FBXL20: variants seen among roughly 807,000 people sequenced by gnomAD.
FBXL20 encodes F-box and leucine rich repeat protein 20.
Under a neutral mutation model 64.0 loss-of-function variants are expected in FBXL20, and 11 were observed. The observed-to-expected ratio is 0.17, with a 90% CI of 0.11 to 0.28. FBXL20 has a LOEUF of 0.28. Ranked by LOEUF, FBXL20 falls within the 10% of genes least tolerant of loss-of-function variation. FBXL20 has a pLI of 1.00. For synonymous variants in FBXL20, 184 were observed against 189.0 expected (o/e 0.97, Z 0.22); for missense variants, 303 against 526.2 (o/e 0.58, Z 4.15).
At position 39,401,230 on chromosome 17, in the gene FBXL20, G is replaced by A. The variant is rs1346650645; in HGVS notation, c.42+131C>T. On this transcript the variant is annotated intron_variant, in intron 1 of 14. Transcript: ENST00000264658. ...TTCTGGGTCGCAAGAAAGGGGAGCG[G>A]AGTCTGGCAGCCCCGCCAGTGGGTG... 4 of 1,545,086 alleles carry A rather than the reference G, an allele frequency of 2.6e-6. No individual in the cohort carries two copies. In the East Asian group the frequency reaches 7.2e-5, roughly 28 times the overall value.
intron 1 of FBXL20, among the ~76,000 whole-genome samples, chr17:39,389,190 T>G (rs960656463): frequency 1.3e-5 from 2 of 151,338 alleles, no homozygotes; most frequent in African/African-American, 4.9e-5. Flanking sequence ...CTAAGAATAC[T>G]GAATAATAAT....
At chr17:39,265,687 A>ATT (rs989432294) in intron 12 of FBXL20, among the ~76,000 whole-genome samples, 2 of 148,356 alleles carry the variant, frequency 1.3e-5, no homozygotes, top group Non-Finnish European at 3.0e-5. Flanking sequence ...AATTAAAAAA[A>ATT]TTTTTTTTTT....
intron 2 of FBXL20, among the ~76,000 whole-genome samples, chr17:39,319,672 T>TG (rs2047333222): frequency 8.9e-5 from 1 of 11,268 alleles, no homozygotes; most frequent in Non-Finnish European, 1.7e-4. Flanking sequence ...AGACTCCATA[T>TG]CAAAAAAAAA....
At chr17:39,319,673 CAAA>C (rs71300077) in intron 2 of FBXL20, among the ~76,000 whole-genome samples, 2 of 47,306 alleles carry the variant, frequency 4.2e-5, no homozygotes, top group South Asian at 1.0e-3. Flanking sequence ...GACTCCATAT[CAAA>C]AAAAAAAAAA....
chr17:39,401,586 G>A lies in FBXL20; in HGVS notation c.-184C>T, dbSNP rs1395362453. On this transcript the variant is annotated 5_prime_UTR_variant, in exon 1 of 15. Transcript: ENST00000264658. The stretch of plus-strand genomic sequence containing the variant: ...GGCCTCCACCACCTCCCGCGGCGCC[G>A]GCGGCCGCAACGACTGCTCGTCGCT... 4 of 1,403,734 alleles carry A rather than the reference G, an allele frequency of 2.8e-6. No individual in the cohort carries two copies. Among genetic ancestry groups the A allele is most frequent in the East Asian group, 5.6e-5 (2 of 35,574 alleles). The allele number at this position is 1,403,734 out of a possible 1,614,324, so 87.0% of individuals were successfully genotyped here.
chr17:39,389,306 A>C (rs1213518359), intron 1 of FBXL20, among the ~76,000 whole-genome samples: 2 of 152,160 alleles, frequency 1.3e-5, no homozygotes, highest in African/African-American at 4.8e-5. Flanking sequence ...AAGATACATC[A>C]GGTTGCTTTT....
intron 2 of FBXL20, among the ~76,000 whole-genome samples, chr17:39,325,652 A>G (rs1045251022): frequency 1.3e-5 from 2 of 152,172 alleles, no homozygotes; most frequent in Non-Finnish European, 2.9e-5. Context: ...GAGCAACCAC[A>G]TTGTAAATTG....
chr17:39,276,318 G>T (rs1173426799), intron 9 of FBXL20, among the ~76,000 whole-genome samples: 1 of 147,794 alleles, frequency 6.8e-6, no homozygotes, highest in Non-Finnish European at 1.5e-5. Flanking sequence ...AAGAAAGAAA[G>T]AAAAGAAAGG....
At chr17:39,392,564 T>C (rs2048144969) in intron 1 of FBXL20, among the ~76,000 whole-genome samples, 1 of 151,852 alleles carries the variant, frequency 6.6e-6, no homozygotes, top group African/African-American at 2.4e-5. Context: ...ATACAAAAAA[T>C]GCTCTACACT....
intron 1 of FBXL20, among the ~76,000 whole-genome samples, chr17:39,363,137 G>A (rs1051040993): frequency 6.7e-6 from 1 of 150,010 alleles, no homozygotes; most frequent in African/African-American, 2.5e-5. Context: ...GAGCTACTAG[G>A]GAGGCTGGGA....
At position 39,269,194 on chromosome 17, in the gene FBXL20, C is replaced by T. The variant is rs537354163; in HGVS notation, c.889-323G>A. 3.2e-4 allele frequency among the ~76,000 whole-genome samples: 48 copies of T among 147,948 alleles called. 1 individual carries two copies. The East Asian group carries it at 9.4e-3, about 29-fold the overall frequency. On this transcript the variant is annotated intron_variant, in intron 11 of 14. Coordinates refer to ENST00000264658, the MANE Select transcript of FBXL20 (RefSeq NM_032875.3). ...CCTGGCTAATTTTTGTATTTCTTTTCTTTTTTTTTTCTTTTTGAGATGGAG... is the reference window on the plus strand; with the variant it reads ...CCTGGCTAATTTTTGTATTTCTTTTTTTTTTTTTTTCTTTTTGAGATGGAG...
chr17:39,323,773 G>A (rs1285657747), intron 2 of FBXL20, among the ~76,000 whole-genome samples: 2 of 140,108 alleles, frequency 1.4e-5, no homozygotes, highest in Admixed American at 7.4e-5. Context: ...GTATACTTCT[G>A]TTTTCTTTTT....
At chr17:39,330,231 A>G (rs57489670) in intron 2 of FBXL20, among the ~76,000 whole-genome samples, 5,480 of 152,140 alleles carry the variant, frequency 0.036, 168 homozygotes, top group African/African-American at 0.083. Context: ...TGGGAGGCTG[A>G]GGTTGCAGTG....
intron 2 of FBXL20, among the ~76,000 whole-genome samples, chr17:39,308,502 G>GA (rs200103723): frequency 2.4e-4 from 35 of 143,634 alleles, no homozygotes; most frequent in East Asian, 2.0e-3. Context: ...CTTAAAAAAA[G>GA]AAAAAAAAAT....
intron 1 of FBXL20, among the ~76,000 whole-genome samples, chr17:39,387,985 A>G (rs1217586899): frequency 2.0e-5 from 3 of 152,188 alleles, no homozygotes; most frequent in Non-Finnish European, 2.9e-5. Context: ...AGTTAATTAC[A>G]TATTTCATTT....
intron 1 of FBXL20, among the ~76,000 whole-genome samples, chr17:39,371,856 T>C (rs1267599959): frequency 6.6e-6 from 1 of 152,206 alleles, no homozygotes. Context: ...AGGCTGACGG[T>C]AGCTGTCCAA....
In FBXL20 at chr17:39,317,771, G is replaced by A. The variant is rs189259150; in HGVS notation, c.105-14132C>T. Among the ~76,000 whole-genome samples, 268 of 137,370 alleles carry A rather than the reference G, an allele frequency of 2.0e-3. 1 individual carries two copies. The highest frequency in any genetic ancestry group is 4.3e-3 in the Middle Eastern group (1 of 232). The allele number at this position is 137,370 out of a possible 152,430, so 90.1% of individuals were successfully genotyped here. A position where few individuals can be genotyped will look rare whatever the true frequency, so the allele number is the denominator to read the frequency against. ...GGCTGGAGTGCAGTGGCACGATCTC[G>A]GCTCACTGCAAGCTCCTCCTCCCAG... On this transcript the variant is annotated intron_variant, in intron 2 of 14. Transcript: ENST00000264658.
intron 2 of FBXL20, among the ~76,000 whole-genome samples, chr17:39,306,285 G>T (rs989029176): frequency 2.6e-5 from 4 of 151,700 alleles, no homozygotes; most frequent in Non-Finnish European, 5.9e-5. Flanking sequence ...CGAGTAGCTG[G>T]GATTACAGGC....
At chr17:39,275,914 A>G (rs1041745222) in intron 9 of FBXL20, among the ~76,000 whole-genome samples, 9 of 152,152 alleles carry the variant, frequency 5.9e-5, no homozygotes, top group Admixed American at 3.9e-4. Context: ...TTTATAGATA[A>G]AAGAGTTGTA....
Sources: allele counts gnomAD v4.1 joint callset (sites outside exome capture counted in the v4.1 genomes callset), GRCh38; gene constraint gnomAD v4.1.1; transcripts MANE v1.5; gene names NCBI Gene and HGNC (gene_info 2026-07-23, HGNC 2026-07-21).